The following DOCK1 variants were observed in gnomAD, a reference collection of about 807,000 sequenced individuals.
DOCK1 encodes the protein dedicator of cytokinesis 1.
Under a neutral mutation model 262.7 loss-of-function variants are expected in DOCK1, and 138 were observed. The observed-to-expected ratio is 0.53, with a 90% CI of 0.46 to 0.61. DOCK1 has a LOEUF of 0.61. Ranked by LOEUF, DOCK1 falls within the 20% of genes least tolerant of loss-of-function variation. DOCK1 has a pLI of 0.00. For missense variants in DOCK1, 1,908 were observed against 2,370.7 expected, an observed-to-expected ratio of 0.80 and a Z score of 4.05; for synonymous variants, 866 against 867.4, an observed-to-expected ratio of 1.00 and a Z score of 0.03.
chr10:127,181,768 T>C (rs1215298747), intron 27 of DOCK1, among the ~76,000 whole-genome samples: 1 of 152,012 alleles, frequency 6.6e-6, no homozygotes, highest in African/African-American at 2.4e-5. Context: ...GGAGGTAAAA[T>C]AGAACCTCAC....
At chr10:127,171,870 A>G (rs1352923656) in intron 27 of DOCK1, among the ~76,000 whole-genome samples, 1 of 151,836 alleles carries the variant, frequency 6.6e-6, no homozygotes, top group South Asian at 2.1e-4. Context: ...CGCCCGACTA[A>G]TGTTTGTATT....
intron 31 of DOCK1, among the ~76,000 whole-genome samples, chr10:127,349,766 T>C (rs2063798522): frequency 6.6e-6 from 1 of 152,196 alleles, no homozygotes; most frequent in African/African-American, 2.4e-5. Flanking sequence ...TTCCGGTGGC[T>C]GCCCCGGTCT....
intron 23 of DOCK1, among the ~76,000 whole-genome samples, chr10:127,090,095 C>T (rs898081546): frequency 5.9e-5 from 9 of 152,080 alleles, no homozygotes; most frequent in East Asian, 3.9e-4. Flanking sequence ...GATTGCTGTT[C>T]GGGACACTGG....
Position 127,399,855 on chromosome 10 carries a change from A to G in DOCK1, c.3928-3200A>G, listed in dbSNP as rs2296632. 1.6e-4 allele frequency among the ~76,000 whole-genome samples: 24 copies of G among 152,328 alleles called. 2 individuals carry two copies. The East Asian group carries it at 4.6e-3, about 29-fold the overall frequency. On this transcript the variant is annotated intron_variant, in intron 38 of 51. Transcript: ENST00000623213. ...TCACTGGAGCTTTAAAAAAACGTTA[A>G]AAGTAGGGAAGTTCTCCCTTCCTAG...
intron 39 of DOCK1, 132 bp from the exon 40 acceptor site, chr10:127,404,193 C>T: frequency 1.6e-6 from 1 of 641,100 alleles, no homozygotes; most frequent in African/African-American, 1.8e-5. Flanking sequence ...CTCCCACCAT[C>T]TCCCTCTCCC....
At chr10:127,349,123 G>T (rs1308491705) in intron 31 of DOCK1, among the ~76,000 whole-genome samples, 1 of 151,926 alleles carries the variant, frequency 6.6e-6, no homozygotes, top group Non-Finnish European at 1.5e-5. Flanking sequence ...TCTTTCCCAT[G>T]AAGTTAAAAA....
intron 45 of DOCK1, 137 bp from the exon 46 acceptor site, chr10:127,419,529 G>T (rs940959060): frequency 5.2e-6 from 4 of 775,004 alleles, no homozygotes; most frequent in Non-Finnish European, 8.5e-6. Context: ...CGAAGGGTGT[G>T]ACCCTGAGTC....
chr10:127,054,529 T>G (rs2045000905), intron 22 of DOCK1, among the ~76,000 whole-genome samples: 1 of 152,260 alleles, frequency 6.6e-6, no homozygotes, highest in South Asian at 2.1e-4. Flanking sequence ...TTATTTTCTC[T>G]TTGTTAGGGT....
At chr10:127,355,393 C>T (rs1230569819) in intron 32 of DOCK1, among the ~76,000 whole-genome samples, 1 of 152,154 alleles carries the variant, frequency 6.6e-6, no homozygotes, top group Non-Finnish European at 1.5e-5. Context: ...TTACACTACC[C>T]TCTAGGAATC....
At chr10:127,231,099 A>T (rs1346249035) in intron 27 of DOCK1, among the ~76,000 whole-genome samples, 3 of 152,142 alleles carry the variant, frequency 2.0e-5, no homozygotes, top group Non-Finnish European at 2.9e-5. Context: ...TTATTAATGC[A>T]ACTTTCATTA....
chr10:127,342,944 A>G (rs1440673872), intron 30 of DOCK1, among the ~76,000 whole-genome samples: 1 of 152,188 alleles, frequency 6.6e-6, no homozygotes, highest in African/African-American at 2.4e-5. Context: ...TCATAATTAC[A>G]TTAATAAAAG....
At chr10:127,320,516 A>G (rs540582212) in intron 29 of DOCK1, among the ~76,000 whole-genome samples, 3 of 152,308 alleles carry the variant, frequency 2.0e-5, no homozygotes, top group African/African-American at 7.2e-5. Flanking sequence ...GAAAGAGGTC[A>G]GAGCTGGGGA....
intron 29 of DOCK1, among the ~76,000 whole-genome samples, chr10:127,286,290 C>A (rs1308711464): frequency 6.6e-6 from 1 of 151,954 alleles, no homozygotes; most frequent in Non-Finnish European, 1.5e-5. Flanking sequence ...AAGGATAATT[C>A]AGATTTAGAA....
At chr10:127,081,201 C>A (rs58657582) in intron 23 of DOCK1, among the ~76,000 whole-genome samples, 2,413 of 152,200 alleles carry the variant, frequency 0.016, 65 homozygotes, top group African/African-American at 0.054. Flanking sequence ...ACTTCAAATG[C>A]AGCCATTTGA....
intron 33 of DOCK1, among the ~76,000 whole-genome samples, chr10:127,372,961 T>A (rs529311174): frequency 6.6e-6 from 1 of 152,150 alleles, no homozygotes; most frequent in Non-Finnish European, 1.5e-5. Context: ...GGAGTCCCAG[T>A]ACTCAGATGG....
At chr10:127,394,723 A>C (rs7894462) in intron 38 of DOCK1, among the ~76,000 whole-genome samples, 62,954 of 152,000 alleles carry the variant, frequency 0.41, 13,739 homozygotes, top group Middle Eastern at 0.54. Context: ...AGTAACAACA[A>C]TGCTCCCTTA....
At chr10:127,105,999 A>C (rs1350534270) in intron 23 of DOCK1, among the ~76,000 whole-genome samples, 4 of 152,110 alleles carry the variant, frequency 2.6e-5, no homozygotes, top group Non-Finnish European at 4.4e-5. Context: ...TCCTGAGCTG[A>C]AGCGATCTGC....
Position 127,447,502 on chromosome 10 carries a change from T to TTA in DOCK1, c.5522_5523insTA (p.Leu1841PhefsTer105). 6.2e-7 allele frequency: 1 copy of TTA among 1,613,910 alleles called. No individual in the cohort carries two copies. Among genetic ancestry groups the TTA allele is most frequent in the Non-Finnish European group, 8.5e-7 (1 of 1,179,874 alleles). On this transcript the variant is annotated frameshift_variant, in exon 51 of 52. Transcript: ENST00000623213. LOFTEE classifies it high-confidence loss of function. ...GGGAATTTGATGGAAAACCAGGACT[T>TTA]GCTGGGCTCGCCAACACCTCCACCT...
intron 31 of DOCK1, among the ~76,000 whole-genome samples, chr10:127,347,068 C>A (rs74158668): frequency 6.6e-6 from 1 of 152,246 alleles, no homozygotes; most frequent in Non-Finnish European, 1.5e-5. Context: ...ACTTGATAAG[C>A]CTTCAGCCCT....
Sources: allele counts gnomAD v4.1 joint callset (sites outside exome capture counted in the v4.1 genomes callset), GRCh38; gene constraint gnomAD v4.1.1; transcripts MANE v1.5; gene names NCBI Gene and HGNC (gene_info 2026-07-23, HGNC 2026-07-21).